The following TNS3 variants were observed in gnomAD, a reference collection of about 807,000 sequenced individuals.
TNS3 encodes the protein tensin 3.
In TNS3, 45 loss-of-function variants were observed where a neutral mutation model predicts 140.9. The ratio of observed to expected loss-of-function variants is 0.32; its 90% CI spans 0.25 to 0.41. The LOEUF (loss-of-function observed/expected upper bound fraction) is 0.41, where lower values mean the gene tolerates loss of function less well. Ranked by LOEUF, TNS3 falls within the 10% of genes least tolerant of loss-of-function variation. The pLI is 1.00. For synonymous variants in TNS3, 815 were observed against 788.4 expected (o/e 1.03, Z -0.56); for missense variants, 1,716 against 1,906.7 (o/e 0.90, Z 1.86).
intron 16 of TNS3, among the ~76,000 whole-genome samples, chr7:47,386,832 T>C (rs1792102780): frequency 6.6e-6 from 1 of 152,228 alleles, no homozygotes; most frequent in South Asian, 2.1e-4. Context: ...AAGCTGCCAT[T>C]ATATCAACCC....
At chr7:47,549,285 G>C (rs563604463) in intron 1 of TNS3, among the ~76,000 whole-genome samples, 1 of 152,316 alleles carries the variant, frequency 6.6e-6, no homozygotes, top group South Asian at 2.1e-4. Flanking sequence ...GAGGTCAGGA[G>C]ATTGAGACCA....
chr7:47,470,795 G>T, intron 4 of TNS3: 1 of 247,960 alleles, frequency 4.0e-6, no homozygotes. Flanking sequence ...GGGTTAATAT[G>T]TTCCCTGCTG....
chr7:47,304,751 C>T (rs1026617190), intron 21 of TNS3, 81 bp downstream of exon 21: 2 of 1,271,370 alleles, frequency 1.6e-6, no homozygotes, highest in South Asian at 3.2e-5. Context: ...GAAGAGCAAG[C>T]CCCCGCTGGT....
intron 2 of TNS3, among the ~76,000 whole-genome samples, chr7:47,519,720 G>T (rs1164029587): frequency 6.6e-6 from 1 of 151,784 alleles, no homozygotes; most frequent in East Asian, 1.9e-4. Flanking sequence ...AGGGGATCCT[G>T]CCTGTCCATG....
chr7:47,537,966 A>ACCCCCCCCCCCCCCCCCCCCCC (rs113842617), intron 1 of TNS3, among the ~76,000 whole-genome samples: 3 of 126,118 alleles, frequency 2.4e-5, no homozygotes, highest in Non-Finnish European at 3.3e-5. Context: ...CCCTCACCGC[A>ACCCCCCCCCCCCCCCCCCCCCC]CCCCCCCCAC....
chr7:47,344,989 A>G lies in TNS3; in HGVS notation c.2501T>C (p.Ile834Thr). 1 of 1,614,212 alleles carries G rather than the reference A, an allele frequency of 6.2e-7. No homozygotes were observed. Among genetic ancestry groups the G allele is most frequent in the East Asian group, 2.2e-5 (1 of 44,888 alleles). Residue 834 changes from isoleucine to threonine, a missense_variant, in exon 19 of 31, where the codon ATT becomes ACT. Ile to Thr is a moderately conservative substitution (Grantham distance 89). Coordinates refer to ENST00000311160, the MANE Select transcript of TNS3 (RefSeq NM_022748.12). Reference sequence around the variant, plus strand: ...ACACATGGACTCCTTGCTACTTAAAATTCTGCCATCGATAATATCGAGGTC... The same window carrying G: ...ACACATGGACTCCTTGCTACTTAAAGTTCTGCCATCGATAATATCGAGGTC... Reference protein sequence around the residue: ...PQDLDIIDGRILSSKESMCST... With the variant: ...PQDLDIIDGRTLSSKESMCST...
chr7:47,370,168 C>T (rs191262400), intron 16 of TNS3, among the ~76,000 whole-genome samples: 4 of 152,008 alleles, frequency 2.6e-5, no homozygotes, highest in South Asian at 2.1e-4. Flanking sequence ...CCCAGCTACT[C>T]GGGAGGCTGA....
At chr7:47,543,369 G>C (rs531291903) in intron 1 of TNS3, among the ~76,000 whole-genome samples, 7 of 152,296 alleles carry the variant, frequency 4.6e-5, no homozygotes, top group South Asian at 4.1e-4. Flanking sequence ...GAGGACTTTC[G>C]GTACGTCAAG....
chr7:47,433,534 A>C (rs1052512501), intron 8 of TNS3, among the ~76,000 whole-genome samples: 5 of 152,244 alleles, frequency 3.3e-5, no homozygotes, highest in Admixed American at 2.6e-4. Flanking sequence ...GTTTTAAATA[A>C]TCTCATCATT....
chr7:47,538,231 C>G (rs1364897985), intron 1 of TNS3, among the ~76,000 whole-genome samples: 2 of 152,074 alleles, frequency 1.3e-5, no homozygotes, highest in African/African-American at 2.4e-5. Flanking sequence ...ACCAGCCTTC[C>G]CGGGGCAGTG....
At chr7:47,324,067 A>G (rs1787897271) in intron 20 of TNS3, among the ~76,000 whole-genome samples, 1 of 152,218 alleles carries the variant, frequency 6.6e-6, no homozygotes, top group African/African-American at 2.4e-5. Flanking sequence ...GGCAAACCTC[A>G]GCTCTATTTA....
At chr7:47,389,002 GGAAGAAGAAGAAGAAGAAGAAGAAGAA>G (rs1175410885) in intron 16 of TNS3, among the ~76,000 whole-genome samples, 4 of 6,660 alleles carry the variant, frequency 6.0e-4, no homozygotes, top group Admixed American at 2.8e-3. Flanking sequence ...AGAAGAAGAA[GGAAGAAGAAGAAGAAGAAGAAGAAGAA>G]GAAGAAGAAG....
At chr7:47,343,579 A>T (rs1789144515) in intron 20 of TNS3, among the ~76,000 whole-genome samples, 1 of 152,182 alleles carries the variant, frequency 6.6e-6, no homozygotes, top group African/African-American at 2.4e-5. Context: ...CTCCATGAGG[A>T]GGAGGGGTTA....
rs561257843 is a variant in TNS3 at position 47,554,325 on chromosome 7, G to A, written c.-264-25178C>T. On this transcript the variant is annotated intron_variant, in intron 1 of 30. Transcript: ENST00000311160. ...CCCAGCTACTCGGGAGGCCGAGACA[G>A]GAGAATTACTTGAACCCAGGAGGCA... is the stretch of plus-strand genomic sequence containing the variant. 2.6e-4 allele frequency among the ~76,000 whole-genome samples: 40 copies of A among 151,578 alleles called. 1 individual carries two copies. In the South Asian group the frequency reaches 8.4e-3, roughly 32 times the overall value.
rs745945127 is a variant in TNS3, at chr7:47,283,880, G to T, written c.3929-15C>A. On this transcript the variant is annotated splice_polypyrimidine_tract_variant and intron_variant, in intron 27 of 30. Coordinates refer to ENST00000311160, the MANE Select transcript of TNS3 (RefSeq NM_022748.12). ...CACATTGCAGGCTGGAAGACACCAA[G>T]GGAGACACATGTTAGTTGCAACTAT... The T allele has an allele frequency of 6.4e-7, 1 of 1,562,170 alleles. No individual in the cohort carries two copies. Among genetic ancestry groups the T allele is most frequent in the East Asian group, 2.3e-5 (1 of 43,636 alleles).
intron 13 of TNS3, among the ~76,000 whole-genome samples, chr7:47,402,347 C>T (rs1793213662): frequency 6.6e-6 from 1 of 152,224 alleles, no homozygotes; most frequent in Admixed American, 6.5e-5. Flanking sequence ...GGGGCTCAGA[C>T]TCAGGCCTGG....
At chr7:47,555,531 T>C (rs1800173846) in intron 1 of TNS3, among the ~76,000 whole-genome samples, 1 of 152,132 alleles carries the variant, frequency 6.6e-6, no homozygotes, top group African/African-American at 2.4e-5. Context: ...TTAAACACCA[T>C]CACATGCTAC....
At chr7:47,287,246 T>C (rs1785469717) in intron 27 of TNS3, among the ~76,000 whole-genome samples, 1 of 152,158 alleles carries the variant, frequency 6.6e-6, no homozygotes, top group Admixed American at 6.5e-5. Flanking sequence ...AAGAAACAAT[T>C]AAGAACCGAG....
chr7:47,341,874 G>A (rs971632930), intron 20 of TNS3, among the ~76,000 whole-genome samples: 21 of 151,822 alleles, frequency 1.4e-4, no homozygotes, highest in Admixed American at 5.9e-4. Context: ...TTAAAGCAGT[G>A]GATAAAGCCA....
Sources: gnomAD v4.1 joint callset for allele counts (sites outside exome capture counted in the v4.1 genomes callset) on GRCh38, gnomAD v4.1.1 for gene constraint, MANE v1.5 for transcripts, NCBI Gene and HGNC (gene_info 2026-07-23, HGNC 2026-07-21) for gene names.